FRAS1: variants seen among roughly 807,000 people sequenced by gnomAD.
FRAS1 encodes extracellular matrix organizing protein FRAS1.
FRAS1 carries 290 observed loss-of-function variants against 435.2 expected under a neutral mutation model. That is an observed-to-expected ratio of 0.67 (90% CI 0.61 to 0.73). FRAS1 has a LOEUF of 0.73. Ranked by LOEUF, FRAS1 falls within the 30% of genes least tolerant of loss-of-function variation. The probability of loss-of-function intolerance (pLI) is 0.00; values close to 1 mark genes in which losing one functional copy is unlikely to be tolerated. For synonymous variants in FRAS1, 1,800 were observed against 1,851.0 expected (o/e 0.97, Z 0.71); for missense variants, 4,860 against 5,001.5 (o/e 0.97, Z 0.85).
intron 37 of FRAS1, among the ~76,000 whole-genome samples, chr4:78,430,926 T>C (rs1285258290): frequency 6.6e-6 from 1 of 152,208 alleles, no homozygotes; most frequent in African/African-American, 2.4e-5. Context: ...AAATAACTCT[T>C]ATTGTGCTTC....
chr4:78,199,793 G>A (rs1162601749), intron 2 of FRAS1, among the ~76,000 whole-genome samples: 1 of 152,150 alleles, frequency 6.6e-6, no homozygotes, highest in Admixed American at 6.5e-5. Context: ...AGGCCCATGA[G>A]GTAACAAACA....
chr4:78,538,983 A>T (rs1373462477), intron 72 of FRAS1, among the ~76,000 whole-genome samples: 2 of 151,294 alleles, frequency 1.3e-5, no homozygotes. Flanking sequence ...ATCAGATCTC[A>T]TGAGAACCCA....
chr4:78,518,446 A>T (rs1013397809), intron 66 of FRAS1, among the ~76,000 whole-genome samples: 79 of 106,894 alleles, frequency 7.4e-4, no homozygotes, highest in East Asian at 3.2e-3. Flanking sequence ...ATATATATAT[A>T]TATATATTTA....
rs549686564 is a variant in FRAS1, at chr4:78,441,234, A to G, written c.5602A>G (p.Arg1868Gly). 1.2e-6 allele frequency: 2 copies of G among 1,613,538 alleles called. No homozygotes were observed. Among genetic ancestry groups the G allele is most frequent in the African/African-American group, 2.7e-5 (2 of 75,030 alleles). Residue 1868 changes from arginine (R) to glycine (G), a missense_variant, in exon 41 of 74, where the codon AGA (arginine) becomes GGA (glycine). Arg to Gly is a moderately radical substitution (Grantham distance 125). Coordinates refer to ENST00000512123, the MANE Select transcript of FRAS1 (RefSeq NM_025074.7). ...TACTGATGATGATGACAACCTCCAGAGAGATGCCATCATTAAACTAAGTGC... is the reference window on the plus strand; with the variant it reads ...TACTGATGATGATGACAACCTCCAGGGAGATGCCATCATTAAACTAAGTGC... ...FATDDDDNLQ[R>G]DAIIKLSALP...
chr4:78,379,994 C>A lies in FRAS1; in HGVS notation c.3561C>A (p.Leu1187=). The stretch of plus-strand genomic sequence containing the variant: ...GTTTTGTGCACAGCAAAGAAAAACT[C>A]AGGTGACTCTGTGTTCTGTTGTTTT... ...KVRFVHSKEK[L]RKGYLFLKIS... Residue 1187 remains leucine (L), a splice_region_variant and synonymous_variant, in exon 27 of 74, where the codon CTC becomes CTA. Coordinates refer to ENST00000512123, the MANE Select transcript of FRAS1 (RefSeq NM_025074.7). The A allele has an allele frequency of 6.2e-7, 1 of 1,612,008 alleles. No homozygotes were observed. The highest frequency in any genetic ancestry group is 8.5e-7 in the Non-Finnish European group (1 of 1,179,264).
At chr4:78,327,930 G>GA (rs1030426076) in intron 18 of FRAS1, among the ~76,000 whole-genome samples, 1 of 152,100 alleles carries the variant, frequency 6.6e-6, no homozygotes, top group Non-Finnish European at 1.5e-5. Flanking sequence ...GCATTATAGA[G>GA]AAAAAAGATA....
intron 2 of FRAS1, among the ~76,000 whole-genome samples, chr4:78,183,494 T>C (rs1722128955): frequency 1.3e-5 from 2 of 152,206 alleles, no homozygotes; most frequent in Admixed American, 1.3e-4. Flanking sequence ...GTGCTCACAG[T>C]GTCCAGAAAA....
At chr4:78,126,901 C>T (rs1179561863) in intron 2 of FRAS1, among the ~76,000 whole-genome samples, 1 of 152,096 alleles carries the variant, frequency 6.6e-6, no homozygotes, top group Non-Finnish European at 1.5e-5. Flanking sequence ...ATTAGTGGAA[C>T]CTTGATGTGA....
chr4:78,314,863 C>G (rs1393071079), intron 15 of FRAS1, among the ~76,000 whole-genome samples: 1 of 151,234 alleles, frequency 6.6e-6, no homozygotes, highest in African/African-American at 2.5e-5. Flanking sequence ...TTACCCCCAC[C>G]CTCACATTTT....
At chr4:78,483,766 AACTCTCTCT>A (rs1438239708) in intron 58 of FRAS1, among the ~76,000 whole-genome samples, 4 of 20,936 alleles carry the variant, frequency 1.9e-4, no homozygotes, top group Admixed American at 8.1e-4. Context: ...AGAAAAAAAA[AACTCTCTCT>A]CTCTCTCTAT....
chr4:78,267,444 G>A lies in FRAS1; in HGVS notation c.981+12G>A. On this transcript the variant is annotated intron_variant, in intron 9 of 73. Transcript: ENST00000512123. ...TGGAGTGTGCCCGGGTAAGAAGCAG[G>A]GGCATTTCCATTTGGAACGTTGCAG... The A allele has an allele frequency of 6.2e-7, 1 of 1,610,816 alleles. No individual in the cohort carries two copies. Among genetic ancestry groups the A allele is most frequent in the Non-Finnish European group, 8.5e-7 (1 of 1,178,180 alleles).
At chr4:78,166,752 G>A (rs576708302) in intron 2 of FRAS1, among the ~76,000 whole-genome samples, 2 of 152,254 alleles carry the variant, frequency 1.3e-5, no homozygotes, top group African/African-American at 2.4e-5. Flanking sequence ...AGCCTCTCTT[G>A]TGGTTAGATG....
In FRAS1 at chr4:78,266,685, C is replaced by T. The variant is rs546341317; in HGVS notation, c.688-149C>T. The T allele has an allele frequency of 9.1e-5, 59 of 651,776 alleles. No homozygotes were observed. In the South Asian group the frequency reaches 1.1e-3, roughly 12 times the overall value. The allele number at this position is 651,776 out of a possible 1,614,324, so 40.4% of individuals were successfully genotyped here. ...ATTGACTGTTTTCATAGAGGCTATT[C>T]CTATCTAAATGTTTTCATTTCTCAA... On this transcript the variant is annotated intron_variant, in intron 7 of 73. Transcript: ENST00000512123.
At chr4:78,113,332 G>T (rs1742877273) in intron 2 of FRAS1, among the ~76,000 whole-genome samples, 1 of 152,224 alleles carries the variant, frequency 6.6e-6, no homozygotes, top group African/African-American at 2.4e-5. Flanking sequence ...TAATCCTTTG[G>T]GTATGTAACC....
chr4:78,272,865 T>G (rs1409184330), intron 9 of FRAS1, among the ~76,000 whole-genome samples: 1 of 152,238 alleles, frequency 6.6e-6, no homozygotes, highest in African/African-American at 2.4e-5. Context: ...CATTGGTAGC[T>G]TGATGGGGCT....
intron 70 of FRAS1, among the ~76,000 whole-genome samples, chr4:78,532,295 T>C (rs1348667607): frequency 6.6e-6 from 1 of 152,186 alleles, no homozygotes; most frequent in Non-Finnish European, 1.5e-5. Flanking sequence ...GGGCTTCCTC[T>C]CCACATAGCC....
rs1428847619 is a variant in FRAS1 at position 78,110,388 on chromosome 4, G to A, written c.108+44372G>A. 1.6e-5 allele frequency among the ~76,000 whole-genome samples: 2 copies of A among 124,890 alleles called. 1 individual carries two copies. Among genetic ancestry groups the A allele is most frequent in the African/African-American group, 6.6e-5 (2 of 30,402 alleles). The allele number at this position is 124,890 out of a possible 152,430, so 81.9% of individuals were successfully genotyped here. Reference sequence around the variant, plus strand: ...ACAGTAACCAAAACAGCATGGTACTGGTACCAAAACAGAGATATAGATCAA... The same window carrying A: ...ACAGTAACCAAAACAGCATGGTACTAGTACCAAAACAGAGATATAGATCAA... On this transcript the variant is annotated intron_variant, in intron 2 of 73. Transcript: ENST00000512123.
chr4:78,512,013 C>G (rs1191831920), intron 64 of FRAS1, among the ~76,000 whole-genome samples: 1 of 152,160 alleles, frequency 6.6e-6, no homozygotes, highest in Non-Finnish European at 1.5e-5. Flanking sequence ...GGCCTGAAGA[C>G]CATGAGTATG....
intron 14 of FRAS1, among the ~76,000 whole-genome samples, chr4:78,306,656 G>A (rs1490098478): frequency 8.1e-5 from 12 of 147,878 alleles, no homozygotes; most frequent in African/African-American, 2.0e-4. Context: ...TGATCGCATC[G>A]GCTCCTGAGG....
Sources: gnomAD v4.1 joint callset for allele counts (sites outside exome capture counted in the v4.1 genomes callset) on GRCh38, gnomAD v4.1.1 for gene constraint, MANE v1.5 for transcripts, NCBI Gene and HGNC (gene_info 2026-07-23, HGNC 2026-07-21) for gene names.